Variants in CNTNAP2 observed in about 807,000 individuals in gnomAD.
CNTNAP2 encodes contactin associated protein 2, also known as contactin-associated protein-like 2.
In CNTNAP2, 98 loss-of-function variants were observed where a neutral mutation model predicts 155.2. The observed-to-expected ratio is 0.63, with a 90% CI of 0.54 to 0.75. CNTNAP2 has a LOEUF of 0.75. CNTNAP2 is among the 30% of genes least tolerant of loss of function. The pLI, the probability that CNTNAP2 is intolerant of heterozygous loss-of-function variation, is 0.00. For synonymous variants in CNTNAP2, 651 were observed against 631.2 expected (o/e 1.03, Z -0.47); for missense variants, 1,727 against 1,688.1 (o/e 1.02, Z -0.40).
chr7:146,617,002 C>T (rs347227), intron 1 of CNTNAP2, among the ~76,000 whole-genome samples: 37 of 136,750 alleles, frequency 2.7e-4, no homozygotes, highest in African/African-American at 1.0e-3. Flanking sequence ...GTGTGTATTC[C>T]AGGAAACCTG....
chr7:147,306,697 C>T (rs965769245), intron 9 of CNTNAP2, among the ~76,000 whole-genome samples: 1 of 152,174 alleles, frequency 6.6e-6, no homozygotes, highest in Non-Finnish European at 1.5e-5. Flanking sequence ...CCAGCTAAGA[C>T]TTGGGGTTAG....
Position 147,230,101 on chromosome 7 carries a change from CAT to C in CNTNAP2, c.1349-70039_1349-70038del, listed in dbSNP as rs1316332152. On this transcript the variant is annotated intron_variant, in intron 8 of 23. Coordinates refer to ENST00000361727, the MANE Select transcript of CNTNAP2 (RefSeq NM_014141.6). ...ATCCAAAGGCTTCATACATTTACCACATGTTAAATGAAGAACACGCTTTTGAA... is the reference window on the plus strand; with the variant it reads ...ATCCAAAGGCTTCATACATTTACCACGTTAAATGAAGAACACGCTTTTGAA... Among the ~76,000 whole-genome samples the C allele has an allele frequency of 3.9e-5, 6 of 152,240 alleles. No homozygotes were observed. The East Asian group carries it at 5.8e-4, about 15-fold the overall frequency.
intron 11 of CNTNAP2, among the ~76,000 whole-genome samples, chr7:147,543,792 A>G (rs1007496515): frequency 1.3e-5 from 2 of 152,114 alleles, no homozygotes; most frequent in Non-Finnish European, 2.9e-5. Context: ...GAGCCTCAGG[A>G]TTCCATACGC....
chr7:146,576,448 A>G (rs1230117866), intron 1 of CNTNAP2, among the ~76,000 whole-genome samples: 2 of 152,200 alleles, frequency 1.3e-5, no homozygotes, highest in South Asian at 2.1e-4. Context: ...AGAAGAACCC[A>G]GAGTGTGAGC....
intron 15 of CNTNAP2, among the ~76,000 whole-genome samples, chr7:147,991,544 A>G (rs911577299): frequency 1.3e-5 from 2 of 152,172 alleles, no homozygotes; most frequent in African/African-American, 2.4e-5. Context: ...TGTACCTTGA[A>G]AATCCCTTGA....
chr7:146,508,494 T>A (rs1383361966), intron 1 of CNTNAP2, among the ~76,000 whole-genome samples: 1 of 152,186 alleles, frequency 6.6e-6, no homozygotes, highest in Non-Finnish European at 1.5e-5. Flanking sequence ...GCCTGGAAAC[T>A]TATCCGGGTT....
At chr7:147,171,485 A>C (rs1045239280) in intron 8 of CNTNAP2, among the ~76,000 whole-genome samples, 5 of 152,196 alleles carry the variant, frequency 3.3e-5, no homozygotes, top group African/African-American at 1.2e-4. Context: ...TCAGCTACAC[A>C]AAAGACCAAA....
intron 8 of CNTNAP2, among the ~76,000 whole-genome samples, chr7:147,218,691 G>A (rs866376730): frequency 5.3e-5 from 8 of 152,126 alleles, no homozygotes; most frequent in Middle Eastern, 3.4e-3. Flanking sequence ...TGAGAAGAAT[G>A]TGTATTCTGT....
At chr7:147,225,748 AAGGAAG>A (rs1563123616) in intron 8 of CNTNAP2, among the ~76,000 whole-genome samples, 11 of 30,974 alleles carry the variant, frequency 3.6e-4, no homozygotes, top group Non-Finnish European at 6.5e-4. Flanking sequence ...GGAAAGAAGG[AAGGAAG>A]GAAGGAAGGA....
chr7:146,535,729 G>A (rs768362522), intron 1 of CNTNAP2, among the ~76,000 whole-genome samples: 2 of 151,648 alleles, frequency 1.3e-5, no homozygotes, highest in African/African-American at 2.4e-5. Flanking sequence ...AGTGAGTATG[G>A]TACCCAAAGG....
At chr7:146,793,623 A>G (rs1350732743) in intron 2 of CNTNAP2, among the ~76,000 whole-genome samples, 2 of 152,222 alleles carry the variant, frequency 1.3e-5, no homozygotes, top group Non-Finnish European at 2.9e-5. Flanking sequence ...CAAGAATGCG[A>G]TAGCTGTTCC....
intron 13 of CNTNAP2, among the ~76,000 whole-genome samples, chr7:147,786,650 A>T (rs916949501): frequency 6.6e-6 from 1 of 152,118 alleles, no homozygotes; most frequent in African/African-American, 2.4e-5. Flanking sequence ...GAGAACTCTT[A>T]AGATTTTTGG....
chr7:147,596,993 CA>C (rs11338813), intron 12 of CNTNAP2, among the ~76,000 whole-genome samples: 33,681 of 152,056 alleles, frequency 0.22, 4,009 homozygotes, highest in Admixed American at 0.3. Context: ...GAGGAGTCCT[CA>C]GTTCCAGGGA....
chr7:148,297,165 A>AAGGAAGGAAGGAAGGAAGGAAGGAAGG (rs1797299988), intron 21 of CNTNAP2, among the ~76,000 whole-genome samples: 1 of 128,926 alleles, frequency 7.8e-6, no homozygotes, highest in South Asian at 2.8e-4. Context: ...GAGATAGAGA[A>AAGGAAGGAAGGAAGGAAGGAAGGAAGG]AAGGAAGGAA....
At chr7:146,835,776 C>A (rs1475275423) in intron 2 of CNTNAP2, among the ~76,000 whole-genome samples, 2 of 151,864 alleles carry the variant, frequency 1.3e-5, no homozygotes, top group East Asian at 1.9e-4. Flanking sequence ...GGGATGAAAA[C>A]CTGTGGAAGA....
At chr7:146,632,312 T>C (rs1156263166) in intron 1 of CNTNAP2, among the ~76,000 whole-genome samples, 1 of 152,204 alleles carries the variant, frequency 6.6e-6, no homozygotes, top group East Asian at 1.9e-4. Flanking sequence ...CATGTGAATA[T>C]ATTTTTGTTA....
intron 1 of CNTNAP2, among the ~76,000 whole-genome samples, chr7:146,600,135 C>T (rs1798927677): frequency 6.6e-6 from 1 of 151,972 alleles, no homozygotes; most frequent in African/African-American, 2.4e-5. Flanking sequence ...TAGCGATCCT[C>T]AACCATTCGT....
intron 14 of CNTNAP2, among the ~76,000 whole-genome samples, chr7:147,927,153 G>A (rs1477499171): frequency 1.3e-5 from 2 of 150,488 alleles, no homozygotes; most frequent in Non-Finnish European, 2.9e-5. Context: ...GTTGTAGAAT[G>A]ATAAAGATAA....
chr7:147,250,390 A>AT (rs1357612568), intron 8 of CNTNAP2, among the ~76,000 whole-genome samples: 7 of 148,100 alleles, frequency 4.7e-5, no homozygotes, highest in South Asian at 2.2e-4. Flanking sequence ...GCTTTTTATA[A>AT]TAAAAAAAAT....
Sources: gnomAD v4.1 joint callset for allele counts (sites outside exome capture counted in the v4.1 genomes callset) on GRCh38, gnomAD v4.1.1 for gene constraint, MANE v1.5 for transcripts, NCBI Gene and HGNC (gene_info 2026-07-23, HGNC 2026-07-21) for gene names.